The following RSPH9 variants were observed in gnomAD, a reference collection of about 807,000 sequenced individuals.
The protein encoded by RSPH9 is radial spoke head protein 9 homolog.
Under a neutral mutation model 27.0 loss-of-function variants are expected in RSPH9, and 27 were observed. That is an observed-to-expected ratio of 1.00 (90% CI 0.74 to 1.38). The LOEUF is 1.38. RSPH9 is among the 40% of genes most tolerant of loss of function. RSPH9 has a pLI of 0.00. For missense variants in RSPH9, 347 were observed against 357.4 expected, an observed-to-expected ratio of 0.97 and a Z score of 0.24; for synonymous variants, 145 against 147.7, an observed-to-expected ratio of 0.98 and a Z score of 0.13.
chr6:43,655,786 CT>C, intron 3 of RSPH9, 95 bp downstream of exon 3: 1 of 1,425,502 alleles, frequency 7.0e-7, no homozygotes. Context: ...GGCTTACACA[CT>C]TTATCAGAGA....
chr6:43,670,742 G>A (rs1773638566), intron 4 of RSPH9, 47 bp from the exon 5 acceptor site: 1 of 1,581,324 alleles, frequency 6.3e-7, no homozygotes, highest in South Asian at 1.1e-5. Context: ...GGGCAGAGCT[G>A]TGGCTCCAGC....
chr6:43,669,191 G>A (rs537053647), intron 4 of RSPH9, among the ~76,000 whole-genome samples: 7 of 152,194 alleles, frequency 4.6e-5, no homozygotes, highest in Non-Finnish European at 1.0e-4. Context: ...TGTCCAGCAG[G>A]CACTGTGTGG....
At chr6:43,667,405 A>C (rs1014967568) in intron 4 of RSPH9, among the ~76,000 whole-genome samples, 3 of 145,168 alleles carry the variant, frequency 2.1e-5, no homozygotes, top group Non-Finnish European at 4.4e-5. Context: ...CAGTTCAGGC[A>C]GCAGAGGGCA....
intron 4 of RSPH9, among the ~76,000 whole-genome samples, chr6:43,662,793 A>G (rs1309029899): frequency 2.0e-5 from 3 of 151,796 alleles, no homozygotes; most frequent in African/African-American, 4.8e-5. Flanking sequence ...GCCTATCTCA[A>G]TTTTTTTTAT....
intron 1 of RSPH9, among the ~76,000 whole-genome samples, chr6:43,645,773 C>G (rs1302919515): frequency 6.6e-6 from 1 of 152,162 alleles, no homozygotes; most frequent in East Asian, 1.9e-4. Context: ...GGGCCTGGCT[C>G]AGTTTGGAGA....
chr6:43,671,446 C>T lies in RSPH9; in HGVS notation c.*497C>T. On this transcript the variant is annotated 3_prime_UTR_variant, in exon 5 of 5. Transcript: ENST00000372163. ...CACTTCCCAAGCAGTGAGCGCACAC[C>T]CAATGGGTAAGCCCATGAACCCAGT... 2.2e-6 allele frequency: 1 copy of T among 454,274 alleles called. No individual in the cohort carries two copies. Among genetic ancestry groups the T allele is most frequent in the Non-Finnish European group, 4.0e-6 (1 of 250,100 alleles). The allele number at this position is 454,274 out of a possible 1,614,324, so 28.1% of individuals were successfully genotyped here.
At chr6:43,651,016 A>G (rs1450496895) in intron 2 of RSPH9, among the ~76,000 whole-genome samples, 3 of 151,722 alleles carry the variant, frequency 2.0e-5, no homozygotes, top group Admixed American at 6.6e-5. Flanking sequence ...GCTGGTCTCA[A>G]ACTCCTGGGC....
At chr6:43,650,905 TA>T (rs57197298) in intron 2 of RSPH9, among the ~76,000 whole-genome samples, 228 of 99,776 alleles carry the variant, frequency 2.3e-3, no homozygotes, top group Middle Eastern at 6.8e-3. Context: ...ACCCTGTCTA[TA>T]AAAAAAAAAA....
At position 43,655,996 on chromosome 6, in the gene RSPH9, C is replaced by G. The variant is rs866401254; in HGVS notation, c.523+305C>G. Among the ~76,000 whole-genome samples the G allele has an allele frequency of 1.1e-3, 126 of 116,528 alleles. 1 individual carries two copies. The highest frequency in any genetic ancestry group is 2.5e-3 in the African/African-American group (67 of 27,210). 76.4% of individuals were successfully genotyped at this position (116,528 alleles called of 152,430 possible). On this transcript the variant is annotated intron_variant, in intron 3 of 4. Coordinates refer to ENST00000372163, the MANE Select transcript of RSPH9 (RefSeq NM_152732.5). ...ATCTCCTTCCTCCTTGGACTTCCTT[C>G]CTTCCTTCCTTCCTTCCTTCCTTCC... is the stretch of plus-strand genomic sequence containing the variant.
intron 4 of RSPH9, among the ~76,000 whole-genome samples, chr6:43,660,754 C>T (rs1322958800): frequency 6.6e-6 from 1 of 152,162 alleles, no homozygotes; most frequent in Non-Finnish European, 1.5e-5. Flanking sequence ...TGAACCACCG[C>T]ACCTGGCCAA....
At chr6:43,661,912 G>C (rs1772670988) in intron 4 of RSPH9, among the ~76,000 whole-genome samples, 1 of 152,112 alleles carries the variant, frequency 6.6e-6, no homozygotes, top group African/African-American at 2.4e-5. Flanking sequence ...GACTGAGACA[G>C]AGTCTCACTC....
intron 4 of RSPH9, among the ~76,000 whole-genome samples, chr6:43,663,698 C>T (rs1772853322): frequency 6.6e-6 from 1 of 151,952 alleles, no homozygotes; most frequent in Non-Finnish European, 1.5e-5. Context: ...CATCAAAGAT[C>T]ACTGATCACA....
chr6:43,666,005 T>C (rs1189186028), intron 4 of RSPH9, among the ~76,000 whole-genome samples: 1 of 151,980 alleles, frequency 6.6e-6, no homozygotes, highest in Non-Finnish European at 1.5e-5. Flanking sequence ...TTTGTATTTT[T>C]TGTAGAGATG....
In RSPH9 at chr6:43,671,016, T is replaced by C; in HGVS notation, c.*67T>C. The C allele has an allele frequency of 6.3e-7, 1 of 1,585,194 alleles. No homozygotes were observed. The highest frequency in any genetic ancestry group is 2.2e-5 in the East Asian group (1 of 44,452). On this transcript the variant is annotated 3_prime_UTR_variant, in exon 5 of 5. Coordinates refer to ENST00000372163, the MANE Select transcript of RSPH9 (RefSeq NM_152732.5). ...TGATTTTCTTAAGCTTCAGTGAACT[T>C]GGCCTGCCTGTTCTGTCCTATCTTC...
chr6:43,666,778 T>C (rs539937823), intron 4 of RSPH9, among the ~76,000 whole-genome samples: 1 of 152,302 alleles, frequency 6.6e-6, no homozygotes, highest in South Asian at 2.1e-4. Flanking sequence ...GGAGGCCATA[T>C]ATATACATAT....
chr6:43,646,315 T>C (rs1464566144), intron 1 of RSPH9, among the ~76,000 whole-genome samples: 4 of 151,054 alleles, frequency 2.6e-5, no homozygotes, highest in Admixed American at 2.6e-4. Context: ...TTTGTATTTT[T>C]AGTAGAGACG....
Position 43,672,386 on chromosome 6 carries a change from C to T in RSPH9, c.*1437C>T, listed in dbSNP as rs1437223200. The T allele has an allele frequency of 6.4e-6, 3 of 471,552 alleles. No homozygotes were observed. Among genetic ancestry groups the T allele is most frequent in the South Asian group, 4.6e-5 (3 of 64,574 alleles). 29.2% of individuals were successfully genotyped at this position (471,552 alleles called of 1,614,324 possible). ...TATAAGACCCCTGCCCCTCACCCAA[C>T]CTGTGATGGGAATCAAGGGGTAAGG... is the stretch of plus-strand genomic sequence containing the variant. On this transcript the variant is annotated 3_prime_UTR_variant, in exon 5 of 5. Coordinates refer to ENST00000372163, the MANE Select transcript of RSPH9 (RefSeq NM_152732.5).
chr6:43,652,978 C>T (rs1026586620), intron 2 of RSPH9, among the ~76,000 whole-genome samples: 5 of 151,884 alleles, frequency 3.3e-5, no homozygotes, highest in Non-Finnish European at 7.4e-5. Context: ...ACCACCATAC[C>T]TGGCTAATTT....
chr6:43,661,888 T>C (rs948093733), intron 4 of RSPH9, among the ~76,000 whole-genome samples: 1 of 152,210 alleles, frequency 6.6e-6, no homozygotes, highest in South Asian at 2.1e-4. Flanking sequence ...TGAACTAACA[T>C]TGATTGATTG....
Sources: gnomAD v4.1 joint callset for allele counts (sites outside exome capture counted in the v4.1 genomes callset) on GRCh38, gnomAD v4.1.1 for gene constraint, MANE v1.5 for transcripts, NCBI Gene and HGNC (gene_info 2026-07-23, HGNC 2026-07-21) for gene names.